Variants in ADCY1 observed in about 807,000 individuals in gnomAD.
The protein encoded by ADCY1 is adenylate cyclase type 1.
In ADCY1, 28 loss-of-function variants were observed where a neutral mutation model predicts 105.4. The observed-to-expected ratio is 0.27, with a 90% CI of 0.20 to 0.36. The LOEUF is 0.36. Among genes scored for constraint, ADCY1 ranks in the 10% least tolerant of loss-of-function variants. The pLI is 1.00. For synonymous variants in ADCY1, 655 were observed against 623.8 expected (o/e 1.05, Z -0.75); for missense variants, 977 against 1,434.2 (o/e 0.68, Z 5.15).
intron 4 of ADCY1, among the ~76,000 whole-genome samples, chr7:45,637,128 A>G (rs976415019): frequency 2.0e-5 from 3 of 152,162 alleles, no homozygotes; most frequent in African/African-American, 7.2e-5. Flanking sequence ...GTTGCTTTAA[A>G]GTTTATAATA....
At chr7:45,641,941 A>AAAAAAAAAAAT (rs1166604116) in intron 4 of ADCY1, among the ~76,000 whole-genome samples, 1 of 144,096 alleles carries the variant, frequency 6.9e-6, no homozygotes. Flanking sequence ...TCAAAAAAAA[A>AAAAAAAAAAAT]AAAAATGTCT....
At chr7:45,615,780 C>T (rs1199293505) in intron 3 of ADCY1, among the ~76,000 whole-genome samples, 2 of 136,482 alleles carry the variant, frequency 1.5e-5, no homozygotes, top group Admixed American at 1.5e-4. Flanking sequence ...ATTAACTTTG[C>T]ACCTCAAGAA....
chr7:45,578,133 T>G (rs1792405132), intron 1 of ADCY1, among the ~76,000 whole-genome samples: 1 of 152,132 alleles, frequency 6.6e-6, no homozygotes, highest in Admixed American at 6.5e-5. Context: ...CCCAGGACTC[T>G]GGGGGGCAGA....
Position 45,574,633 on chromosome 7 carries a change from G to C in ADCY1, c.90G>C (p.Arg30=). 8.3e-7 allele frequency: 1 copy of C among 1,207,346 alleles called. No homozygotes were observed. The highest frequency in any genetic ancestry group is 1.6e-5 in the African/African-American group (1 of 62,714). 74.8% of individuals were successfully genotyped at this position (1,207,346 alleles called of 1,614,324 possible). Residue 30 remains arginine, a synonymous_variant, in exon 1 of 20, where the codon CGG becomes CGC. Transcript: ENST00000297323. The surrounding 1 kb of genome is among the most constrained non-coding windows in gnomAD (Gnocchi z 7.0). ...GAERAAGTSR[R]RGLRACDEEF... is the part of the protein sequence containing the mutation. Reference sequence around the variant, plus strand: ...AGCGGGCGGCCGGGACAAGCCGCCGGCGCGGGCTCCGGGCGTGCGACGAGG... The same window carrying C: ...AGCGGGCGGCCGGGACAAGCCGCCGCCGCGGGCTCCGGGCGTGCGACGAGG...
At chr7:45,623,519 G>C (rs1451647476) in intron 4 of ADCY1, among the ~76,000 whole-genome samples, 1 of 152,196 alleles carries the variant, frequency 6.6e-6, no homozygotes, top group Non-Finnish European at 1.5e-5. Context: ...GCTGGGATCT[G>C]AGCTGCAGAA....
chr7:45,683,839 T>G lies in ADCY1; in HGVS notation c.1984-1140T>G, dbSNP rs78291291. 1.0e-3 allele frequency among the ~76,000 whole-genome samples: 158 copies of G among 152,348 alleles called. 2 individuals carry two copies. The East Asian group carries it at 0.028, about 27-fold the overall frequency. ...CTTTCTCAAAAGGAGAATAGTTACCTGCAAAAGATGGCAGGATCTTGCTCT... is the reference window on the plus strand; with the variant it reads ...CTTTCTCAAAAGGAGAATAGTTACCGGCAAAAGATGGCAGGATCTTGCTCT... On this transcript the variant is annotated intron_variant, in intron 11 of 19. Coordinates refer to ENST00000297323, the MANE Select transcript of ADCY1 (RefSeq NM_021116.4).
intron 11 of ADCY1, among the ~76,000 whole-genome samples, chr7:45,682,296 G>A (rs911419698): frequency 6.6e-6 from 1 of 152,192 alleles, no homozygotes; most frequent in Admixed American, 6.5e-5. Flanking sequence ...GCAGAGGGCG[G>A]CAGAGCTGAC....
chr7:45,604,298 A>G (rs754468738), intron 2 of ADCY1, among the ~76,000 whole-genome samples: 5 of 152,194 alleles, frequency 3.3e-5, no homozygotes, highest in African/African-American at 9.7e-5. Flanking sequence ...CTCAAAACCT[A>G]TAGTTGATCA....
intron 19 of ADCY1, among the ~76,000 whole-genome samples, chr7:45,712,049 ATATATTAAATATATATTTTATATAT>A (rs1562736219): frequency 4.3e-5 from 3 of 69,464 alleles, no homozygotes; most frequent in African/African-American, 1.1e-4. Context: ...ATTTTATATA[ATATATTAAATATATATTTTATATAT>A]TATATTAAAT....
intron 10 of ADCY1, 85 bp downstream of exon 10, chr7:45,678,348 T>C: frequency 7.4e-7 from 1 of 1,342,740 alleles, no homozygotes. Flanking sequence ...GGGTTCGTGG[T>C]TGTGTTTCTG....
At chr7:45,578,947 A>G (rs1212997910) in intron 1 of ADCY1, among the ~76,000 whole-genome samples, 1 of 152,226 alleles carries the variant, frequency 6.6e-6, no homozygotes, top group Non-Finnish European at 1.5e-5. Flanking sequence ...TTCGTTGCTT[A>G]TCAATGTAAA....
intron 11 of ADCY1, among the ~76,000 whole-genome samples, chr7:45,681,914 G>T (rs1177863743): frequency 6.6e-6 from 1 of 152,190 alleles, no homozygotes. Context: ...CATTGACAGT[G>T]TCCAGAGCCA....
chr7:45,688,289 C>A (rs1391369892), intron 14 of ADCY1, among the ~76,000 whole-genome samples: 1 of 152,220 alleles, frequency 6.6e-6, no homozygotes, highest in Non-Finnish European at 1.5e-5. Context: ...CAAGAAATAA[C>A]TGAAATTCTA....
intron 1 of ADCY1, among the ~76,000 whole-genome samples, chr7:45,583,789 C>T (rs1283822824): frequency 6.6e-6 from 1 of 151,930 alleles, no homozygotes; most frequent in African/African-American, 2.4e-5. Context: ...TACAGGCATG[C>T]ACCACCACGC....
At chr7:45,622,793 A>T in intron 4 of ADCY1, 50 bp downstream of exon 4, 1 of 1,428,620 alleles carries the variant, frequency 7.0e-7, no homozygotes, top group Non-Finnish European at 9.7e-7. Context: ...TTGCTTCTGG[A>T]GTGACGATAA....
At chr7:45,672,119 G>A (rs982119434) in intron 8 of ADCY1, among the ~76,000 whole-genome samples, 5 of 152,042 alleles carry the variant, frequency 3.3e-5, no homozygotes, top group Non-Finnish European at 7.4e-5. Context: ...TTTTAATAAG[G>A]TGTAAGTTTC....
In ADCY1 at chr7:45,702,966, C is replaced by T. The variant is rs552413104; in HGVS notation, c.2455-410C>T. Among the ~76,000 whole-genome samples, 4 of 152,324 alleles carry T rather than the reference C, an allele frequency of 2.6e-5. No homozygotes were observed. In the East Asian group the frequency reaches 7.7e-4, roughly 29 times the overall value. ...CAGGAGCCTTAGGAAGGTGTCTGCC[C>T]CACCTGGGTGTGAGGCATTCTAGGA... On this transcript the variant is annotated intron_variant, in intron 14 of 19. Coordinates refer to ENST00000297323, the MANE Select transcript of ADCY1 (RefSeq NM_021116.4).
chr7:45,587,535 G>T (rs1225190315), intron 1 of ADCY1, among the ~76,000 whole-genome samples: 4 of 152,182 alleles, frequency 2.6e-5, no homozygotes, highest in African/African-American at 9.7e-5. Flanking sequence ...TGCAGGTTTG[G>T]CTTGGGCAGT....
chr7:45,622,299 G>A (rs1401343264), intron 3 of ADCY1, among the ~76,000 whole-genome samples: 1 of 152,118 alleles, frequency 6.6e-6, no homozygotes, highest in Non-Finnish European at 1.5e-5. Flanking sequence ...TCCCAGTCAC[G>A]TAACCTCCCC....
Sources: allele counts gnomAD v4.1 joint callset (sites outside exome capture counted in the v4.1 genomes callset), GRCh38; gene constraint gnomAD v4.1.1; non-coding constraint Gnocchi (gnomAD v3.1); transcripts MANE v1.5; gene names NCBI Gene and HGNC (gene_info 2026-07-23, HGNC 2026-07-21).